The following SH3KBP1 variants were observed in gnomAD, a reference collection of about 807,000 sequenced individuals.
SH3KBP1 encodes the protein SH3 domain containing kinase binding protein 1.
Under a neutral mutation model 50.1 loss-of-function variants are expected in SH3KBP1, and 8 were observed. That is an observed-to-expected ratio of 0.16 (90% CI 0.09 to 0.29). SH3KBP1 has a LOEUF of 0.29. Among genes scored for constraint, SH3KBP1 ranks in the 10% least tolerant of loss-of-function variants. The pLI, the probability that SH3KBP1 is intolerant of heterozygous loss-of-function variation, is 1.00. For synonymous variants in SH3KBP1, 227 were observed against 218.6 expected, an observed-to-expected ratio of 1.04 and a Z score of -0.34; for missense variants, 377 against 535.2, an observed-to-expected ratio of 0.70 and a Z score of 2.92.
chrX:19,682,008 G>A (rs1455951047), intron 6 of SH3KBP1, among the ~76,000 whole-genome samples: 1 of 111,033 alleles, frequency 9.0e-6, no homozygotes, highest in East Asian at 2.8e-4. Flanking sequence ...CTGAGAGAAA[G>A]AGCCAGGGAC....
At chrX:19,599,836 C>T (rs1198866561) in intron 9 of SH3KBP1, among the ~76,000 whole-genome samples, 1 of 111,531 alleles carries the variant, frequency 9.0e-6, no homozygotes, top group Non-Finnish European at 1.9e-5. Flanking sequence ...TGCACATGGG[C>T]CTACAATGTT....
intron 1 of SH3KBP1, among the ~76,000 whole-genome samples, chrX:19,869,881 A>G (rs1482695733): frequency 8.9e-6 from 1 of 112,455 alleles, no homozygotes; most frequent in African/African-American, 3.2e-5. Flanking sequence ...CTTAAAACCC[A>G]GCAAAACCAC....
intron 9 of SH3KBP1, among the ~76,000 whole-genome samples, chrX:19,603,842 C>G (rs2067165063): frequency 9.0e-6 from 1 of 111,289 alleles, no homozygotes. Context: ...CATGTACCAC[C>G]ATGTCCAGCT....
chrX:19,884,332 T>A (rs1333710820), intron 1 of SH3KBP1, among the ~76,000 whole-genome samples: 2 of 112,590 alleles, frequency 1.8e-5, no homozygotes, highest in East Asian at 5.5e-4. Flanking sequence ...AAACATTGGA[T>A]GGATGGATGG....
intron 2 of SH3KBP1, among the ~76,000 whole-genome samples, chrX:19,758,055 G>A (rs2065263079): frequency 9.0e-6 from 1 of 110,787 alleles, no homozygotes; most frequent in African/African-American, 3.3e-5. Context: ...GCCGGGGGCA[G>A]TGGCTCACAC....
chrX:19,606,063 C>G (rs1232179598), intron 9 of SH3KBP1, among the ~76,000 whole-genome samples: 1 of 111,926 alleles, frequency 8.9e-6, no homozygotes, highest in Non-Finnish European at 1.9e-5. Context: ...CTAGAGTCTT[C>G]CTACCCTCGT....
At chrX:19,879,057 A>C (rs947710737) in intron 1 of SH3KBP1, among the ~76,000 whole-genome samples, 7 of 112,089 alleles carry the variant, frequency 6.2e-5, no homozygotes, top group Non-Finnish European at 1.1e-4. Context: ...CAGCCTGGGC[A>C]ACATGGCGAA....
In SH3KBP1 at chrX:19,760,998, T is replaced by A. The variant is rs899741664; in HGVS notation, c.163-14557A>T. 1.4e-4 allele frequency among the ~76,000 whole-genome samples: 15 copies of A among 106,101 alleles called. No homozygotes were observed. In the Admixed American group the frequency reaches 1.4e-3, roughly 10 times the overall value. The allele number at this position is 106,101 out of a possible 115,157, so 92.1% of individuals were successfully genotyped here. ...GGTGCATTCCATCAAGTCAAATGAG[T>A]AAAACAAGAAAGAGAAGGACGCAAG... On this transcript the variant is annotated intron_variant, in intron 2 of 17. Coordinates refer to ENST00000397821, the MANE Select transcript of SH3KBP1 (RefSeq NM_031892.3).
intron 2 of SH3KBP1, among the ~76,000 whole-genome samples, chrX:19,793,114 T>C (rs189835219): frequency 2.8e-5 from 3 of 108,242 alleles, no homozygotes; most frequent in Non-Finnish European, 5.7e-5. Flanking sequence ...CTGAGCAATA[T>C]AGTGGGACCC....
intron 4 of SH3KBP1, among the ~76,000 whole-genome samples, chrX:19,702,331 G>A (rs1188040322): frequency 2.7e-5 from 3 of 111,504 alleles, no homozygotes; most frequent in South Asian, 3.8e-4. Context: ...TTTTGATGAC[G>A]TTCAAGGGCC....
intron 2 of SH3KBP1, among the ~76,000 whole-genome samples, chrX:19,827,902 C>G (rs866681651): frequency 2.1e-5 from 2 of 93,795 alleles, no homozygotes. Context: ...AACAAACAAA[C>G]AAACAAACAA....
At chrX:19,698,823 T>A (rs780078737) in intron 4 of SH3KBP1, among the ~76,000 whole-genome samples, 1 of 111,912 alleles carries the variant, frequency 8.9e-6, no homozygotes, top group Non-Finnish European at 1.9e-5. Flanking sequence ...GACACTGCCA[T>A]GTGATTTCAT....
At chrX:19,641,907 G>A (rs762209664) in intron 7 of SH3KBP1, among the ~76,000 whole-genome samples, 44 of 111,787 alleles carry the variant, frequency 3.9e-4, no homozygotes, top group African/African-American at 1.4e-3. Flanking sequence ...TGGCACGGTC[G>A]TGGCTCACCA....
rs755091213 is a variant in SH3KBP1 at position 19,641,198 on chromosome X, G to C, written c.802+4202C>G. Among the ~76,000 whole-genome samples the C allele has an allele frequency of 5.3e-5, 6 of 112,352 alleles. No homozygotes were observed. In the East Asian group the frequency reaches 1.7e-3, roughly 31 times the overall value. ...GGGAGAGCAGTGGCTGGTAAGAAGA[G>C]AGGGTCTGGCAAGCCCCAAGGAACA... On this transcript the variant is annotated intron_variant, in intron 7 of 17. Coordinates refer to ENST00000397821, the MANE Select transcript of SH3KBP1 (RefSeq NM_031892.3).
At chrX:19,874,335 C>T (rs1255690964) in intron 1 of SH3KBP1, among the ~76,000 whole-genome samples, 3 of 68,540 alleles carry the variant, frequency 4.4e-5, no homozygotes, top group Non-Finnish European at 8.0e-5. Flanking sequence ...AGTGGGGTTC[C>T]GGGGAGAGAA....
chrX:19,735,864 C>T (rs779909489), intron 3 of SH3KBP1, among the ~76,000 whole-genome samples: 17 of 109,354 alleles, frequency 1.6e-4, no homozygotes, highest in African/African-American at 4.7e-4. Context: ...GCTGGGACTA[C>T]GGGAGCCCGC....
intron 3 of SH3KBP1, among the ~76,000 whole-genome samples, chrX:19,736,490 A>T (rs761010965): frequency 3.6e-5 from 4 of 112,104 alleles, no homozygotes; most frequent in African/African-American, 1.3e-4. Flanking sequence ...AGAAACACAA[A>T]TGCGACAAGC....
At chrX:19,635,278 A>G (rs2061673980) in intron 7 of SH3KBP1, among the ~76,000 whole-genome samples, 1 of 111,357 alleles carries the variant, frequency 9.0e-6, no homozygotes, top group Admixed American at 9.5e-5. Context: ...AGGGACATGG[A>G]TGAAGCTGGA....
intron 5 of SH3KBP1, among the ~76,000 whole-genome samples, chrX:19,692,624 CGTGTGTGTGTGTGTGTGTGTGT>C (rs534431997): frequency 5.7e-4 from 39 of 68,710 alleles, no homozygotes; most frequent in Non-Finnish European, 8.6e-4. Flanking sequence ...TATATACATA[CGTGTGTGTGTGTGTGTGTGTGT>C]GTGTGTGTGT....
Sources: gnomAD v4.1 joint callset for allele counts (sites outside exome capture counted in the v4.1 genomes callset) on GRCh38, gnomAD v4.1.1 for gene constraint, MANE v1.5 for transcripts, NCBI Gene and HGNC (gene_info 2026-07-23, HGNC 2026-07-21) for gene names.